The following DNAH7 variants were observed in gnomAD, a reference collection of about 807,000 sequenced individuals.
The protein encoded by DNAH7 is dynein axonemal heavy chain 7.
Under a neutral mutation model 444.6 loss-of-function variants are expected in DNAH7, and 397 were observed. That is an observed-to-expected ratio of 0.89 (90% CI 0.82 to 0.97). The LOEUF is 0.97. Among genes scored for constraint, DNAH7 ranks in the 50% least tolerant of loss-of-function variants. DNAH7 has a pLI of 0.00. For synonymous variants in DNAH7, 1,636 were observed against 1,624.4 expected (o/e 1.01, Z -0.17); for missense variants, 4,902 against 4,800.8 (o/e 1.02, Z -0.62).
intron 17 of DNAH7, among the ~76,000 whole-genome samples, chr2:195,966,563 A>G (rs1193863567): frequency 6.6e-6 from 1 of 152,130 alleles, no homozygotes; most frequent in Non-Finnish European, 1.5e-5. Flanking sequence ...CTCTCCAGCT[A>G]TTATTGTATT....
At chr2:195,805,470 T>C (rs980276803) in intron 54 of DNAH7, among the ~76,000 whole-genome samples, 10 of 152,112 alleles carry the variant, frequency 6.6e-5, no homozygotes, top group Admixed American at 1.3e-4. Context: ...AGCATTTTCA[T>C]GGAGATTACA....
intron 1 of DNAH7, among the ~76,000 whole-genome samples, chr2:196,058,419 T>C (rs1351383208): frequency 6.6e-6 from 1 of 152,206 alleles, no homozygotes; most frequent in Non-Finnish European, 1.5e-5. Context: ...GGAGAGGACA[T>C]GGAAGCTCCG....
At chr2:195,773,980 T>A (rs1217945994) in intron 60 of DNAH7, among the ~76,000 whole-genome samples, 1 of 152,248 alleles carries the variant, frequency 6.6e-6, no homozygotes, top group Non-Finnish European at 1.5e-5. Context: ...TACCTCTGAA[T>A]TGTGATAAAC....
intron 58 of DNAH7, among the ~76,000 whole-genome samples, chr2:195,780,342 C>G (rs1695313319): frequency 3.9e-5 from 6 of 151,914 alleles, no homozygotes; most frequent in Admixed American, 3.9e-4. Flanking sequence ...TTCAAAAGCT[C>G]TTTGTAAAAA....
At position 195,887,077 on chromosome 2, in the gene DNAH7, AAC is replaced by A. The variant is rs1186705250; in HGVS notation, c.5407-807_5407-806del. On this transcript the variant is annotated intron_variant, in intron 33 of 64. Coordinates refer to ENST00000312428, the MANE Select transcript of DNAH7 (RefSeq NM_018897.3). Reference sequence around the variant, plus strand: ...TACAAATAGTTATCATTACAAATAAAACAGATACTTATTACTACATAGTAAAT... The same window carrying A: ...TACAAATAGTTATCATTACAAATAAAAGATACTTATTACTACATAGTAAAT... Among the ~76,000 whole-genome samples the A allele has an allele frequency of 3.3e-5, 5 of 152,332 alleles. No homozygotes were observed. In the East Asian group the frequency reaches 5.8e-4, roughly 18 times the overall value.
intron 45 of DNAH7, 54 bp downstream of exon 45, chr2:195,855,756 AT>A (rs1282833744): frequency 6.3e-7 from 1 of 1,586,432 alleles, no homozygotes; most frequent in African/African-American, 1.3e-5. Context: ...TACGAACATC[AT>A]TCTTAGTTAC....
At position 195,816,651 on chromosome 2, in the gene DNAH7, C is replaced by G. The variant is rs1177220413; in HGVS notation, c.9738G>C (p.Glu3246Asp). ...NLFILSIENS[E>D]KSEILAKRLQ... The stretch of plus-strand genomic sequence containing the variant: ...ACCTTTTTGCCAAAATTTCTGATTT[C>G]TCTGAATTTTCAATAGACAGGATGA... Residue 3246 changes from glutamate to aspartate, a missense_variant, in exon 51 of 65, where the codon GAG becomes GAC. Physicochemically the swap from Glu to Asp is conservative, Grantham distance 45. Transcript: ENST00000312428. 23 of 1,610,882 alleles carry G rather than the reference C, an allele frequency of 1.4e-5. No individual in the cohort carries two copies. The highest frequency in any genetic ancestry group is 1.7e-5 in the Non-Finnish European group (20 of 1,178,830).
chr2:195,748,033 G>C (rs1210014262), intron 63 of DNAH7, among the ~76,000 whole-genome samples: 1 of 152,134 alleles, frequency 6.6e-6, no homozygotes, highest in Non-Finnish European at 1.5e-5. Context: ...TAGGATAAGA[G>C]GAAGTGAAAT....
rs368275587 is a variant in DNAH7, at chr2:195,864,648, T to C, written c.7007A>G (p.His2336Arg). 1.2e-6 allele frequency: 2 copies of C among 1,614,078 alleles called. No homozygotes were observed. The highest frequency in any genetic ancestry group is 1.7e-6 in the Non-Finnish European group (2 of 1,180,048). ...ISRILKQPRS[H>R]ALLVGVGGSG... ...CCCTCCAACCCCTACTAGGAGAGCA[T>C]GGCTGCGAGGCTGCTTCAGGATCCT... Residue 2336 changes from histidine (H) to arginine (R), a missense_variant, in exon 41 of 65, where the codon CAT becomes CGT. By Grantham distance (29) the His-to-Arg change is conservative. Transcript: ENST00000312428.
At chr2:195,759,709 G>A (rs1000787144) in intron 61 of DNAH7, among the ~76,000 whole-genome samples, 3 of 152,124 alleles carry the variant, frequency 2.0e-5, no homozygotes, top group African/African-American at 7.2e-5. Flanking sequence ...AAATTAGCTG[G>A]GTGTTGGTGG....
chr2:195,905,930 C>T (rs933792661), intron 27 of DNAH7, among the ~76,000 whole-genome samples: 5 of 151,882 alleles, frequency 3.3e-5, no homozygotes, highest in East Asian at 1.9e-4. Flanking sequence ...AATAGAGAAA[C>T]GCCTTTAGTA....
At chr2:195,840,964 A>G (rs1480480324) in intron 47 of DNAH7, among the ~76,000 whole-genome samples, 1 of 151,864 alleles carries the variant, frequency 6.6e-6, no homozygotes, top group Non-Finnish European at 1.5e-5. Context: ...TAGAGTTACA[A>G]GTAGACAAAA....
At position 195,984,152 on chromosome 2, in the gene DNAH7, C is replaced by T. The variant is rs186125328; in HGVS notation, c.1833+480G>A. ...ATGAGAACACACCCAGATGAGCCTG[C>T]TGGGGCTTGAGGGACAAGTGGAGCC... On this transcript the variant is annotated intron_variant, in intron 15 of 64. Transcript: ENST00000312428. Among the ~76,000 whole-genome samples, 12 of 152,150 alleles carry T rather than the reference C, an allele frequency of 7.9e-5. No homozygotes were observed. In the East Asian group the frequency reaches 2.3e-3, roughly 29 times the overall value.
rs563541468 is a variant in DNAH7, at chr2:195,767,752, T to G, written c.11433+3908A>C. ...CTTTAAAAACTGCCAACTAGTTTTTTATTTCACTTAAAAAATAACACAGGA... is the reference window on the plus strand; with the variant it reads ...CTTTAAAAACTGCCAACTAGTTTTTGATTTCACTTAAAAAATAACACAGGA... On this transcript the variant is annotated intron_variant, in intron 61 of 64. Coordinates refer to ENST00000312428, the MANE Select transcript of DNAH7 (RefSeq NM_018897.3). 4.8e-4 allele frequency among the ~76,000 whole-genome samples: 73 copies of G among 152,184 alleles called. 1 individual carries two copies. In the South Asian group the frequency reaches 0.015, roughly 32 times the overall value.
chr2:195,955,781 T>A (rs1443569929), intron 19 of DNAH7, among the ~76,000 whole-genome samples: 2 of 152,160 alleles, frequency 1.3e-5, no homozygotes, highest in African/African-American at 4.8e-5. Flanking sequence ...AATACAAGTA[T>A]CTACTTTTTG....
chr2:195,758,874 C>T (rs1036823659), intron 61 of DNAH7, among the ~76,000 whole-genome samples: 1 of 152,242 alleles, frequency 6.6e-6, no homozygotes, highest in Non-Finnish European at 1.5e-5. Context: ...GCACACATCC[C>T]AGCAGTTGGA....
chr2:195,858,622 GT>G lies in DNAH7; in HGVS notation c.7918del (p.Thr2640LeufsTer4). ...IEKESVEVAK[T>X]EKIVKADETI... ...TTCATCAGCTTTCACTATTTTTTCA[GT>G]TTTGGCAACTTCTACAGACTCTTTC... On this transcript the variant is annotated frameshift_variant, in exon 43 of 65. Transcript: ENST00000312428. LOFTEE classifies it high-confidence loss of function. 6.2e-7 allele frequency: 1 copy of G among 1,613,928 alleles called. No individual in the cohort carries two copies. Among genetic ancestry groups the G allele is most frequent in the Non-Finnish European group, 8.5e-7 (1 of 1,179,912 alleles).
chr2:195,841,118 A>G (rs1211700536), intron 47 of DNAH7, among the ~76,000 whole-genome samples: 1 of 151,890 alleles, frequency 6.6e-6, no homozygotes, highest in Non-Finnish European at 1.5e-5. Flanking sequence ...ACCCACATGC[A>G]TGTGAACCAA....
At chr2:195,797,941 TGCTAA>T (rs1360669900) in intron 55 of DNAH7, among the ~76,000 whole-genome samples, 1 of 152,218 alleles carries the variant, frequency 6.6e-6, no homozygotes, top group Admixed American at 6.5e-5. Context: ...ATAAGTACTA[TGCTAA>T]GCTATCTATT....
Sources: allele counts gnomAD v4.1 joint callset (sites outside exome capture counted in the v4.1 genomes callset), GRCh38; gene constraint gnomAD v4.1.1; transcripts MANE v1.5; gene names NCBI Gene and HGNC (gene_info 2026-07-23, HGNC 2026-07-21).